The following ASTN2 variants were observed in gnomAD, a reference collection of about 807,000 sequenced individuals.
ASTN2 encodes astrotactin 2.
Under a neutral mutation model 139.8 loss-of-function variants are expected in ASTN2, and 54 were observed. The observed-to-expected ratio is 0.39, with a 90% CI of 0.31 to 0.48. ASTN2 has a LOEUF of 0.48. Among genes scored for constraint, ASTN2 ranks in the 20% least tolerant of loss-of-function variants. The pLI is 0.95. For missense variants in ASTN2, 1,565 were observed against 1,725.1 expected, an observed-to-expected ratio of 0.91 and a Z score of 1.64; for synonymous variants, 756 against 719.5, an observed-to-expected ratio of 1.05 and a Z score of -0.81.
intron 10 of ASTN2, among the ~76,000 whole-genome samples, chr9:116,918,985 C>T (rs990183394): frequency 6.6e-6 from 1 of 151,736 alleles, no homozygotes; most frequent in Non-Finnish European, 1.5e-5. Context: ...AAAATTGTTG[C>T]TATTTATTCA....
At chr9:116,840,410 T>C (rs571736717) in intron 11 of ASTN2, among the ~76,000 whole-genome samples, 6 of 147,056 alleles carry the variant, frequency 4.1e-5, no homozygotes, top group Non-Finnish European at 7.5e-5. Flanking sequence ...CCAGACGGGG[T>C]GGTGGCCAGG....
intron 2 of ASTN2, among the ~76,000 whole-genome samples, chr9:117,225,537 A>ATGTATATATATATATG (rs1460719604): frequency 4.1e-5 from 1 of 24,424 alleles, no homozygotes; most frequent in South Asian, 1.5e-3. Context: ...AGCTGTATGT[A>ATGTATATATATATATG]TATATATATA....
At chr9:117,107,426 C>A (rs1475452817) in intron 4 of ASTN2, among the ~76,000 whole-genome samples, 1 of 152,126 alleles carries the variant, frequency 6.6e-6, no homozygotes, top group Non-Finnish European at 1.5e-5. Context: ...AATTTTATCC[C>A]AATCAGCTGT....
At chr9:116,726,263 A>AC (rs1466835998) in intron 15 of ASTN2, among the ~76,000 whole-genome samples, 2 of 152,158 alleles carry the variant, frequency 1.3e-5, no homozygotes, top group Non-Finnish European at 1.5e-5. Context: ...ATATCCACTC[A>AC]CTGAGCAACC....
At chr9:117,089,905 C>T (rs1828663752) in intron 5 of ASTN2, among the ~76,000 whole-genome samples, 1 of 152,160 alleles carries the variant, frequency 6.6e-6, no homozygotes, top group African/African-American at 2.4e-5. Context: ...ATATATACGA[C>T]AGTTTCTTTA....
chr9:117,040,860 G>A (rs556637076), intron 5 of ASTN2, among the ~76,000 whole-genome samples: 2 of 152,306 alleles, frequency 1.3e-5, no homozygotes, highest in South Asian at 2.1e-4. Context: ...GAGTTTCACG[G>A]TTAGAAGCTG....
chr9:116,682,148 G>C (rs1176721573), intron 16 of ASTN2, among the ~76,000 whole-genome samples: 1 of 151,946 alleles, frequency 6.6e-6, no homozygotes, highest in East Asian at 1.9e-4. Flanking sequence ...CTAATATCCA[G>C]AATCTACAAT....
intron 19 of ASTN2, among the ~76,000 whole-genome samples, chr9:116,515,461 G>A (rs1233253268): frequency 6.6e-6 from 1 of 152,158 alleles, no homozygotes; most frequent in African/African-American, 2.4e-5. Context: ...GTGGCTAGAA[G>A]CCTTGCAAGC....
At chr9:116,596,359 A>G (rs549028685) in intron 19 of ASTN2, among the ~76,000 whole-genome samples, 6 of 152,260 alleles carry the variant, frequency 3.9e-5, no homozygotes, top group Admixed American at 6.5e-5. Context: ...AATCTGCTGT[A>G]AAACATAGCA....
intron 16 of ASTN2, among the ~76,000 whole-genome samples, chr9:116,717,394 T>G (rs1203656755): frequency 6.6e-6 from 1 of 152,182 alleles, no homozygotes; most frequent in East Asian, 1.9e-4. Context: ...TGCATGGTTC[T>G]GAGGAGAAAT....
At chr9:116,536,299 A>G (rs71505576) in intron 19 of ASTN2, among the ~76,000 whole-genome samples, 28,883 of 132,702 alleles carry the variant, frequency 0.22, 2,782 homozygotes, top group African/African-American at 0.33. Context: ...CGATGGGTTC[A>G]AACTTCCTCC....
intron 10 of ASTN2, among the ~76,000 whole-genome samples, chr9:116,957,693 AG>A (rs1389787287): frequency 6.6e-6 from 1 of 152,204 alleles, no homozygotes; most frequent in Non-Finnish European, 1.5e-5. Context: ...TTTGTTTTTG[AG>A]ACGGAGTCTC....
chr9:116,886,988 G>T (rs1833622192), intron 10 of ASTN2, among the ~76,000 whole-genome samples: 1 of 152,008 alleles, frequency 6.6e-6, no homozygotes, highest in African/African-American at 2.4e-5. Context: ...CATGGTGTAG[G>T]CTCATGGACA....
chr9:116,994,086 A>AT (rs1836943395), intron 7 of ASTN2, among the ~76,000 whole-genome samples: 1 of 151,848 alleles, frequency 6.6e-6, no homozygotes, highest in Admixed American at 6.6e-5. Flanking sequence ...TACCAAAGCC[A>AT]TTTTTTTCAA....
At chr9:117,260,032 T>C (rs1342552994) in intron 2 of ASTN2, among the ~76,000 whole-genome samples, 2 of 152,224 alleles carry the variant, frequency 1.3e-5, no homozygotes, top group Non-Finnish European at 2.9e-5. Flanking sequence ...CTTCTTGCTT[T>C]CCTTTCTTTT....
In ASTN2 at chr9:116,609,379, GTATATA is replaced by G. The variant is rs56938236; in HGVS notation, c.3355+8939_3355+8944del. Among the ~76,000 whole-genome samples, 303 of 116,728 alleles carry G rather than the reference GTATATA, an allele frequency of 2.6e-3. 10 individuals carry two copies. The highest frequency in any genetic ancestry group is 0.01 in the South Asian group (39 of 3,752). 76.6% of individuals were successfully genotyped at this position (116,728 alleles called of 152,430 possible). A position where few individuals can be genotyped will look rare whatever the true frequency, so the allele number is the denominator to read the frequency against. Reference sequence around the variant, plus strand: ...ATATACATGAATTATATATATGGGTGTATATATATATATATATATATATATATATGA... The same window carrying G: ...ATATACATGAATTATATATATGGGTGTATATATATATATATATATATATGA... On this transcript the variant is annotated intron_variant, in intron 19 of 22. Coordinates refer to ENST00000313400, the MANE Select transcript of ASTN2 (RefSeq NM_001365068.1).
At chr9:117,361,557 G>A (rs1829693191) in intron 1 of ASTN2, among the ~76,000 whole-genome samples, 1 of 152,142 alleles carries the variant, frequency 6.6e-6, no homozygotes, top group African/African-American at 2.4e-5. Context: ...ATTGAGTAAT[G>A]AAAAGCAGGC....
At chr9:116,783,117 A>G (rs1363454295) in intron 13 of ASTN2, among the ~76,000 whole-genome samples, 2 of 152,240 alleles carry the variant, frequency 1.3e-5, no homozygotes, top group Admixed American at 6.5e-5. Context: ...ATGGGCATAT[A>G]TCGCAACTGT....
At chr9:117,301,066 G>A (rs1834864358) in intron 1 of ASTN2, among the ~76,000 whole-genome samples, 1 of 152,170 alleles carries the variant, frequency 6.6e-6, no homozygotes, top group Admixed American at 6.5e-5. Flanking sequence ...CTATTGGCAA[G>A]GGAGAAAAGC....
Sources: allele counts gnomAD v4.1 joint callset (sites outside exome capture counted in the v4.1 genomes callset), GRCh38; gene constraint gnomAD v4.1.1; transcripts MANE v1.5; gene names NCBI Gene and HGNC (gene_info 2026-07-23, HGNC 2026-07-21).